Variants in SLC46A3 observed in about 807,000 individuals in gnomAD.
SLC46A3 encodes solute carrier family 46 member 3.
In SLC46A3, 26 loss-of-function variants were observed where a neutral mutation model predicts 38.5. The ratio of observed to expected loss-of-function variants is 0.68; its 90% CI spans 0.49 to 0.94. SLC46A3 has a LOEUF of 0.94. Ranked by LOEUF, SLC46A3 falls within the 40% of genes least tolerant of loss-of-function variation. SLC46A3 has a pLI of 0.00. For synonymous variants in SLC46A3, 185 were observed against 192.5 expected (o/e 0.96, Z 0.32); for missense variants, 510 against 544.3 (o/e 0.94, Z 0.63).
rs370073073 is a variant in SLC46A3 at position 28,713,205 on chromosome 13, C to G, written c.535G>C (p.Val179Leu). Residue 179 changes from valine to leucine, a missense_variant, in exon 3 of 6, where the codon GTT becomes CTT. By Grantham distance (32) the Val-to-Leu change is conservative. Coordinates refer to ENST00000266943, the MANE Select transcript of SLC46A3 (RefSeq NM_181785.4). ...IAIIDFLLGL[V>L]TGLTGLSSGY... is the part of the protein sequence containing the mutation. ...GATGACAGTCCTGTTAGTCCAGTAA[C>G]AAGTCCAAGTAGAAAGTCAATGATA... is the stretch of plus-strand genomic sequence containing the variant. 49 of 1,613,984 alleles carry G rather than the reference C, an allele frequency of 3.0e-5. No homozygotes were observed. Among genetic ancestry groups the G allele is most frequent in the Admixed American group, 2.3e-4 (14 of 60,006 alleles).
chr13:28,708,688 T>G (rs986907935), intron 4 of SLC46A3, among the ~76,000 whole-genome samples: 5 of 148,364 alleles, frequency 3.4e-5, no homozygotes, highest in Admixed American at 1.3e-4. Flanking sequence ...CTCAAACTCC[T>G]AACCTCGGGT....
In SLC46A3 at chr13:28,700,801, G is replaced by T; in HGVS notation, c.*696C>A. On this transcript the variant is annotated 3_prime_UTR_variant, in exon 6 of 6. Transcript: ENST00000266943. The stretch of plus-strand genomic sequence containing the variant: ...TAGAAATATTATCATGCCTGTCACC[G>T]ATGAAACATATTAAGAAAAGTGAAA... The T allele has an allele frequency of 3.5e-6, 2 of 567,840 alleles. No individual in the cohort carries two copies. The highest frequency in any genetic ancestry group is 6.1e-6 in the Non-Finnish European group (2 of 327,642). 35.2% of individuals were successfully genotyped at this position (567,840 alleles called of 1,614,324 possible). A position where few individuals can be genotyped will look rare whatever the true frequency, so the allele number is the denominator to read the frequency against.
At chr13:28,717,314 C>A (rs888190200) in intron 2 of SLC46A3, among the ~76,000 whole-genome samples, 64 of 151,984 alleles carry the variant, frequency 4.2e-4, no homozygotes, top group African/African-American at 1.5e-3. Context: ...CAGACACTGG[C>A]TCACAATCTT....
intron 2 of SLC46A3, among the ~76,000 whole-genome samples, chr13:28,716,418 C>T (rs192807138): frequency 2.3e-4 from 35 of 152,080 alleles, no homozygotes; most frequent in African/African-American, 7.7e-4. Flanking sequence ...CTGGGCTTCT[C>T]GGGTTCAGAG....
intron 2 of SLC46A3, among the ~76,000 whole-genome samples, chr13:28,717,484 ACTTTTTT>A (rs1161028808): frequency 2.9e-4 from 27 of 94,274 alleles, no homozygotes; most frequent in Non-Finnish European, 4.4e-4. Flanking sequence ...CAATTTTCAG[ACTTTTTT>A]TTTTTTTTTT....
At chr13:28,709,266 G>A (rs535794039) in intron 4 of SLC46A3, among the ~76,000 whole-genome samples, 2 of 147,340 alleles carry the variant, frequency 1.4e-5, no homozygotes, top group South Asian at 4.3e-4. Flanking sequence ...AGGTTGCAGT[G>A]AGCCGAGATC....
chr13:28,703,846 G>A (rs1885099081), intron 5 of SLC46A3, 97 bp downstream of exon 5: 2 of 1,141,786 alleles, frequency 1.8e-6, no homozygotes, highest in African/African-American at 1.6e-5. Flanking sequence ...ACGTTCTGAG[G>A]CAAAATTTCA....
chr13:28,708,619 T>C (rs186439767), intron 4 of SLC46A3, among the ~76,000 whole-genome samples: 40 of 148,504 alleles, frequency 2.7e-4, no homozygotes, highest in Middle Eastern at 3.5e-3. Context: ...CTTTTCTTTT[T>C]TTTTTTTTTT....
chr13:28,709,557 C>T (rs2137830444), intron 4 of SLC46A3, among the ~76,000 whole-genome samples: 1 of 152,256 alleles, frequency 6.6e-6, no homozygotes, highest in African/African-American at 2.4e-5. Flanking sequence ...GCCCATATGC[C>T]TGATATCTAA....
chr13:28,707,495 C>G (rs1259587439), intron 4 of SLC46A3, among the ~76,000 whole-genome samples: 1 of 151,756 alleles, frequency 6.6e-6, no homozygotes, highest in East Asian at 1.9e-4. Flanking sequence ...CAACATGGCA[C>G]ATGTATACAT....
At chr13:28,710,158 GCC>G (rs1191814641) in intron 4 of SLC46A3, among the ~76,000 whole-genome samples, 1 of 152,064 alleles carries the variant, frequency 6.6e-6, no homozygotes, top group Non-Finnish European at 1.5e-5. Context: ...GGGTGAACTG[GCC>G]CTCAGCCCTT....
chr13:28,716,598 C>T (rs577614340), intron 2 of SLC46A3, among the ~76,000 whole-genome samples: 128 of 152,096 alleles, frequency 8.4e-4, no homozygotes, highest in African/African-American at 3.0e-3. Context: ...AGACTCAGGG[C>T]CCTTTTTTTT....
chr13:28,705,583 C>T (rs1185489894), intron 4 of SLC46A3, among the ~76,000 whole-genome samples: 1 of 152,194 alleles, frequency 6.6e-6, no homozygotes, highest in Admixed American at 6.5e-5. Flanking sequence ...TGTCGATCTG[C>T]CTTGTACATC....
At chr13:28,717,492 T>A (rs1322434322) in intron 2 of SLC46A3, among the ~76,000 whole-genome samples, 25 of 25,328 alleles carry the variant, frequency 9.9e-4, no homozygotes, top group Non-Finnish European at 2.0e-3. Context: ...AGACTTTTTT[T>A]TTTTTTTTTT....
rs1243997793 is a variant in SLC46A3 at position 28,712,836 on chromosome 13, C to T, written c.904G>A (p.Ala302Thr). Residue 302 changes from alanine (A) to threonine (T), a missense_variant, in exon 3 of 6, where the codon GCT (alanine) becomes ACT (threonine). Coordinates refer to ENST00000266943, the MANE Select transcript of SLC46A3 (RefSeq NM_181785.4). ...WNEVFIGYGS[A>T]LGSASFLTSF... ...GTCAAAAAAGAGGCACTACCCAAAG[C>T]TGATCCATAACCTATAAAAACTTCA... The T allele has an allele frequency of 1.2e-6, 2 of 1,613,066 alleles. No homozygotes were observed. Among genetic ancestry groups the T allele is most frequent in the Non-Finnish European group, 1.7e-6 (2 of 1,179,844 alleles).
chr13:28,704,099 C>T lies in SLC46A3; in HGVS notation c.1145G>A (p.Gly382Asp). ...LSKVVRSTEQ[G>D]TLFACIAFLE... The stretch of plus-strand genomic sequence containing the variant: ...GAAAGCAATACAAGCAAACAGGGTA[C>T]CTGTTTGGAGTAGGGATAGAGAGAG... The change falls in exon 5 of 6, where the codon GGT becomes GAT. Residue 382 changes from glycine (G) to aspartate (D), a missense_variant and splice_region_variant. By Grantham distance (94) the Gly-to-Asp change is moderately conservative (BLOSUM62 -1). Coordinates refer to ENST00000266943, the MANE Select transcript of SLC46A3 (RefSeq NM_181785.4). 6.2e-7 allele frequency: 1 copy of T among 1,610,078 alleles called. No homozygotes were observed. Among genetic ancestry groups the T allele is most frequent in the Middle Eastern group, 1.7e-4 (1 of 6,038 alleles).
chr13:28,703,880 G>T, intron 5 of SLC46A3, 63 bp downstream of exon 5: 1 of 1,445,296 alleles, frequency 6.9e-7, no homozygotes, highest in Admixed American at 2.1e-5. Context: ...ATTTACTGGT[G>T]AGGTTAGGGA....
intron 2 of SLC46A3, among the ~76,000 whole-genome samples, chr13:28,714,543 G>A (rs530474834): frequency 6.6e-6 from 1 of 152,306 alleles, no homozygotes; most frequent in East Asian, 1.9e-4. Flanking sequence ...GAGGTCAGGA[G>A]TTTGAGACCA....
intron 1 of SLC46A3, among the ~76,000 whole-genome samples, 162 bp downstream of exon 1, chr13:28,718,334 G>A (rs947174168): frequency 1.3e-5 from 2 of 152,212 alleles, no homozygotes; most frequent in Admixed American, 6.5e-5. Flanking sequence ...TTCCCACACT[G>A]TATATTGCCA....
Sources: gnomAD v4.1 joint callset for allele counts (sites outside exome capture counted in the v4.1 genomes callset) on GRCh38, gnomAD v4.1.1 for gene constraint, MANE v1.5 for transcripts, NCBI Gene and HGNC (gene_info 2026-07-23, HGNC 2026-07-21) for gene names.